CCSER1: variants seen among roughly 807,000 people sequenced by gnomAD.
CCSER1 encodes the protein serine-rich coiled-coil domain-containing protein 1.
CCSER1 carries 41 observed loss-of-function variants against 82.0 expected under a neutral mutation model. The ratio of observed to expected loss-of-function variants is 0.50; its 90% CI spans 0.39 to 0.65. The LOEUF (loss-of-function observed/expected upper bound fraction) is 0.65, where lower values mean the gene tolerates loss of function less well. Ranked by LOEUF, CCSER1 falls within the 30% of genes least tolerant of loss-of-function variation. The pLI is 0.00. For missense variants in CCSER1, 1,119 were observed against 1,064.2 expected, an observed-to-expected ratio of 1.05 and a Z score of -0.72; for synonymous variants, 414 against 383.9, an observed-to-expected ratio of 1.08 and a Z score of -0.92.
At chr4:90,821,375 G>A (rs1255109761) in intron 8 of CCSER1, among the ~76,000 whole-genome samples, 1 of 152,144 alleles carries the variant, frequency 6.6e-6, no homozygotes, top group Non-Finnish European at 1.5e-5. Context: ...GGTGATTGGA[G>A]AGAATATTAG....
At chr4:90,797,798 C>T (rs180877447) in intron 7 of CCSER1, among the ~76,000 whole-genome samples, 22 of 152,286 alleles carry the variant, frequency 1.4e-4, no homozygotes, top group African/African-American at 5.3e-4. Context: ...TGAATATAGG[C>T]CGCCAATGTC....
At chr4:90,863,425 A>AG (rs1238619052) in intron 8 of CCSER1, among the ~76,000 whole-genome samples, 1 of 151,916 alleles carries the variant, frequency 6.6e-6, no homozygotes, top group Non-Finnish European at 1.5e-5. Flanking sequence ...TTTCTTTTTC[A>AG]GTCAGATGAT....
At chr4:90,251,588 G>A (rs763156729) in intron 1 of CCSER1, among the ~76,000 whole-genome samples, 2 of 151,774 alleles carry the variant, frequency 1.3e-5, no homozygotes, top group Non-Finnish European at 3.0e-5. Flanking sequence ...TCCTCATGGT[G>A]TATGACCTTT....
Position 90,400,057 on chromosome 4 carries a change from T to A in CCSER1, c.1531T>A (p.Ser511Thr). The A allele has an allele frequency of 6.2e-7, 1 of 1,604,950 alleles. No homozygotes were observed. The highest frequency in any genetic ancestry group is 8.5e-7 in the Non-Finnish European group (1 of 1,172,998). ...TCAGGATGTTTTGAATAATTTGGGA[T>A]CTTGTGAACTGGATGAAGATGATCT... ...NSLDVLNNLG[S>T]CELDEDDLML... The change falls in exon 4 of 11, where the codon TCT becomes ACT. Residue 511 changes from serine to threonine, a missense_variant. Ser to Thr is a moderately conservative substitution (Grantham distance 58). Coordinates refer to ENST00000509176, the MANE Select transcript of CCSER1 (RefSeq NM_001145065.2).
At chr4:90,758,702 G>C (rs892283423) in intron 7 of CCSER1, among the ~76,000 whole-genome samples, 1 of 152,100 alleles carries the variant, frequency 6.6e-6, no homozygotes, top group African/African-American at 2.4e-5. Context: ...TATATACCCA[G>C]TCCCTCTAAC....
chr4:91,200,607 A>G (rs186269858), intron 10 of CCSER1, among the ~76,000 whole-genome samples: 13 of 152,212 alleles, frequency 8.5e-5, no homozygotes, highest in Middle Eastern at 3.4e-3. Context: ...AAATTGACCA[A>G]TTAAAGAAAA....
chr4:91,171,971 C>G (rs2149004595), intron 10 of CCSER1, among the ~76,000 whole-genome samples: 1 of 151,866 alleles, frequency 6.6e-6, no homozygotes, highest in South Asian at 2.1e-4. Context: ...CATTTTTCCC[C>G]AAAGATATTC....
intron 1 of CCSER1, among the ~76,000 whole-genome samples, chr4:90,128,166 G>C (rs1382403771): frequency 6.6e-6 from 1 of 152,184 alleles, no homozygotes; most frequent in Non-Finnish European, 1.5e-5. Flanking sequence ...AAGGCGGCGA[G>C]AGTTGGCGCA....
At chr4:90,242,163 TG>T (rs910632408) in intron 1 of CCSER1, among the ~76,000 whole-genome samples, 6 of 152,130 alleles carry the variant, frequency 3.9e-5, no homozygotes, top group Middle Eastern at 3.2e-3. Flanking sequence ...AAAAATTAGC[TG>T]GGCATGGTGG....
intron 9 of CCSER1, among the ~76,000 whole-genome samples, chr4:91,080,072 A>G (rs1163270648): frequency 6.6e-6 from 1 of 152,196 alleles, no homozygotes. Flanking sequence ...CAGACCTCAT[A>G]GACATCTACA....
intron 10 of CCSER1, among the ~76,000 whole-genome samples, chr4:91,348,131 A>G (rs1748199001): frequency 6.6e-6 from 1 of 152,124 alleles, no homozygotes; most frequent in Non-Finnish European, 1.5e-5. Context: ...TTTTTTATCA[A>G]ATTGAGAAAG....
intron 9 of CCSER1, among the ~76,000 whole-genome samples, chr4:90,960,516 T>G (rs966033793): frequency 2.0e-5 from 3 of 152,186 alleles, no homozygotes; most frequent in Non-Finnish European, 4.4e-5. Flanking sequence ...TAAGCCAAGT[T>G]AGACAGAAGT....
At chr4:90,251,939 T>G (rs756439049) in intron 1 of CCSER1, among the ~76,000 whole-genome samples, 20 of 152,074 alleles carry the variant, frequency 1.3e-4, no homozygotes, top group Non-Finnish European at 2.7e-4. Flanking sequence ...TTTTCTATGT[T>G]TTATTTCAGC....
intron 8 of CCSER1, among the ~76,000 whole-genome samples, chr4:90,827,430 A>G (rs1485332921): frequency 6.6e-6 from 1 of 152,198 alleles, no homozygotes; most frequent in African/African-American, 2.4e-5. Flanking sequence ...AAGGTGGGGT[A>G]GCAATTTAGC....
chr4:91,001,054 AT>A (rs1315605661), intron 9 of CCSER1, among the ~76,000 whole-genome samples: 28 of 152,088 alleles, frequency 1.8e-4, no homozygotes, highest in African/African-American at 6.8e-4. Context: ...TTTAACATAG[AT>A]AGCTCTTATT....
At chr4:90,795,847 A>G (rs1163483085) in intron 7 of CCSER1, among the ~76,000 whole-genome samples, 1 of 151,058 alleles carries the variant, frequency 6.6e-6, no homozygotes, top group Non-Finnish European at 1.5e-5. Flanking sequence ...GATAAAGCCT[A>G]CTTGATTATG....
At chr4:90,633,968 C>T (rs1410579256) in intron 6 of CCSER1, among the ~76,000 whole-genome samples, 2 of 151,650 alleles carry the variant, frequency 1.3e-5, no homozygotes, top group Admixed American at 1.3e-4. Context: ...CTATTGTTGT[C>T]ACTTTATTCT....
At chr4:90,749,444 T>C (rs1249653844) in intron 7 of CCSER1, among the ~76,000 whole-genome samples, 1 of 151,872 alleles carries the variant, frequency 6.6e-6, no homozygotes, top group Non-Finnish European at 1.5e-5. Context: ...ACTGTAGCCT[T>C]GTAGTATAGT....
In CCSER1 at chr4:90,489,016, G is replaced by C. The variant is rs537410242; in HGVS notation, c.1724+20662G>C. On this transcript the variant is annotated intron_variant, in intron 5 of 10. Coordinates refer to ENST00000509176, the MANE Select transcript of CCSER1 (RefSeq NM_001145065.2). ...ACAGAATCATAAATATAACAACTTG[G>C]ATAATACATACCAGAATAATGAGAC... Among the ~76,000 whole-genome samples, 16 of 152,196 alleles carry C rather than the reference G, an allele frequency of 1.1e-4. 1 individual carries two copies. In the South Asian group the frequency reaches 3.1e-3, roughly 30 times the overall value.
Sources: gnomAD v4.1 joint callset for allele counts (sites outside exome capture counted in the v4.1 genomes callset) on GRCh38, gnomAD v4.1.1 for gene constraint, MANE v1.5 for transcripts, NCBI Gene and HGNC (gene_info 2026-07-23, HGNC 2026-07-21) for gene names.